PLSCR2: variants seen among roughly 807,000 people sequenced by gnomAD.
PLSCR2 encodes the protein PL scramblase 2.
A neutral mutation model predicts 25.3 loss-of-function variants in PLSCR2; 18 were observed. The ratio of observed to expected loss-of-function variants is 0.71; its 90% CI spans 0.49 to 1.06. The LOEUF is 1.06. PLSCR2 is among the 50% of genes least tolerant of loss of function. The probability of loss-of-function intolerance (pLI) is 0.00; values close to 1 mark genes in which losing one functional copy is unlikely to be tolerated. For synonymous variants in PLSCR2, 88 were observed against 87.3 expected (o/e 1.01, Z -0.04); for missense variants, 243 against 269.5 (o/e 0.90, Z 0.69).
chr3:146,423,234 C>CCTCTCTCTCTCTCT lies in PLSCR2; in HGVS notation c.101-27327_101-27314dup, dbSNP rs200145864. On this transcript the variant is annotated intron_variant and NMD_transcript_variant, in intron 2 of 3. Transcript: ENST00000463633. The stretch of plus-strand genomic sequence containing the variant: ...CTGTCTCTTTCCTCTCCTTGCAGTG[C>CCTCTCTCTCTCTCT]CTCTCTCTCTCTCTCTCTCTCTCTC... Among the ~76,000 whole-genome samples the CCTCTCTCTCTCTCT allele has an allele frequency of 1.7e-4, 9 of 53,478 alleles. 1 individual carries two copies. The highest frequency in any genetic ancestry group is 4.2e-4 in the African/African-American group (6 of 14,162). The allele number at this position is 53,478 out of a possible 152,430, so 35.1% of individuals were successfully genotyped here.
chr3:146,493,482 C>T (rs1449129316), intron 1 of PLSCR2, among the ~76,000 whole-genome samples: 2 of 152,102 alleles, frequency 1.3e-5, no homozygotes, highest in Non-Finnish European at 2.9e-5. Context: ...TCAGCATATG[C>T]AATTCACGAA....
intron 1 of PLSCR2, among the ~76,000 whole-genome samples, chr3:146,476,154 G>T (rs1362984482): frequency 6.6e-6 from 1 of 152,132 alleles, no homozygotes; most frequent in Middle Eastern, 3.2e-3. Flanking sequence ...CCACCAAGAA[G>T]AACGAAGACA....
At chr3:146,399,570 T>G (rs1001553050) in intron 2 of PLSCR2, among the ~76,000 whole-genome samples, 1 of 151,770 alleles carries the variant, frequency 6.6e-6, no homozygotes, top group Non-Finnish European at 1.5e-5. Flanking sequence ...TAAAAAGGAA[T>G]GTAGGAGGCT....
At chr3:146,476,629 A>G (rs1424303498) in intron 1 of PLSCR2, among the ~76,000 whole-genome samples, 1 of 152,208 alleles carries the variant, frequency 6.6e-6, no homozygotes, top group Non-Finnish European at 1.5e-5. Context: ...AACTACTGGG[A>G]GGAAAGGGCA....
intron 1 of PLSCR2, among the ~76,000 whole-genome samples, chr3:146,489,197 A>C (rs2043456502): frequency 6.6e-6 from 1 of 152,062 alleles, no homozygotes; most frequent in African/African-American, 2.4e-5. Context: ...CATCAGGATA[A>C]ATAGCTAATG....
chr3:146,483,509 A>ATATATATATATATATATATAT (rs1553791539), intron 1 of PLSCR2, among the ~76,000 whole-genome samples: 1 of 127,068 alleles, frequency 7.9e-6, no homozygotes, highest in African/African-American at 3.1e-5. Context: ...ATATATATAT[A>ATATATATATATATATATATAT]ATGTTACTAC....
chr3:146,406,569 C>T (rs1429235147), intron 2 of PLSCR2, among the ~76,000 whole-genome samples: 1 of 152,050 alleles, frequency 6.6e-6, no homozygotes, highest in Non-Finnish European at 1.5e-5. Flanking sequence ...ACATAACAGG[C>T]AAAAACAAAC....
intron 1 of PLSCR2, among the ~76,000 whole-genome samples, chr3:146,479,505 AT>A (rs1461494833): frequency 6.6e-6 from 1 of 152,236 alleles, no homozygotes; most frequent in African/African-American, 2.4e-5. Context: ...AGGCCATTAC[AT>A]AATGGTAAAG....
chr3:146,439,315 C>G (rs541405789), downstream of PLSCR2, among the ~76,000 whole-genome samples: 1 of 152,222 alleles, frequency 6.6e-6, no homozygotes, highest in Non-Finnish European at 1.5e-5. Flanking sequence ...AATTTGAATG[C>G]TGGCCTGCCT....
chr3:146,486,897 A>C lies in PLSCR2; in HGVS notation c.-293+8998T>G, dbSNP rs991390968. Among the ~76,000 whole-genome samples, 4 of 152,182 alleles carry C rather than the reference A, an allele frequency of 2.6e-5. No individual in the cohort carries two copies. In the South Asian group the frequency reaches 8.3e-4, roughly 32 times the overall value. ...CTTCAGGCAAATATTCCTGATGAAC[A>C]TCAAGGCTAAAATCCTCAATAAAAT... On this transcript the variant is annotated intron_variant, in intron 1 of 8. Coordinates refer to the PLSCR2 transcript ENST00000336685.
upstream of PLSCR2, among the ~76,000 whole-genome samples, chr3:146,464,394 G>A (rs573460745): frequency 7.2e-5 from 11 of 152,126 alleles, no homozygotes; most frequent in Non-Finnish European, 1.2e-4. Context: ...CTAATATGAT[G>A]AGTCTATTCC....
chr3:146,407,723 G>C (rs147092596), intron 2 of PLSCR2, among the ~76,000 whole-genome samples: 3 of 152,044 alleles, frequency 2.0e-5, no homozygotes, highest in Non-Finnish European at 4.4e-5. Flanking sequence ...TTACCTCATC[G>C]GAGAGCCTGA....
At chr3:146,403,143 A>AAC (rs77006503) in intron 2 of PLSCR2, among the ~76,000 whole-genome samples, 85,409 of 150,174 alleles carry the variant, frequency 0.57, 24,247 homozygotes, top group South Asian at 0.71. Flanking sequence ...ACATATTGTA[A>AAC]ACACACACAC....
At chr3:146,474,103 T>C (rs1281890669) in intron 1 of PLSCR2, among the ~76,000 whole-genome samples, 2 of 139,112 alleles carry the variant, frequency 1.4e-5, no homozygotes, top group African/African-American at 2.6e-5. Flanking sequence ...TACTTTTGTA[T>C]ATGTATATTA....
chr3:146,472,021 G>A (rs990688137), intron 1 of PLSCR2, among the ~76,000 whole-genome samples: 8 of 152,056 alleles, frequency 5.3e-5, no homozygotes, highest in Non-Finnish European at 4.4e-5. Context: ...TTGTACCCAG[G>A]ACATTTTTAT....
chr3:146,460,354 C>CT (rs2041496209), exon 1 of PLSCR2: 3 of 353,126 alleles, frequency 8.5e-6, no homozygotes, highest in Non-Finnish European at 1.3e-5. Context: ...TGCTTTTATA[C>CT]CTGTGAAAGT....
chr3:146,486,009 A>T (rs974782262), intron 1 of PLSCR2, among the ~76,000 whole-genome samples: 5 of 152,108 alleles, frequency 3.3e-5, no homozygotes, highest in Non-Finnish European at 7.4e-5. Context: ...CTCCCACAAC[A>T]TGTGGAAATT....
intron 2 of PLSCR2, among the ~76,000 whole-genome samples, chr3:146,409,270 C>T (rs1002087884): frequency 2.5e-4 from 38 of 152,108 alleles, no homozygotes; most frequent in Admixed American, 2.5e-3. Context: ...GGCGAGCCCA[C>T]AGGGGGTGTC....
intron 6 of PLSCR2, among the ~76,000 whole-genome samples, chr3:146,443,447 T>C (rs900409653): frequency 6.6e-6 from 1 of 152,016 alleles, no homozygotes; most frequent in African/African-American, 2.4e-5. Flanking sequence ...TATTACTTAT[T>C]GACTGTTCAG....
Sources: gnomAD v4.1 joint callset for allele counts (sites outside exome capture counted in the v4.1 genomes callset) on GRCh38, gnomAD v4.1.1 for gene constraint, MANE v1.5 for transcripts, NCBI Gene and HGNC (gene_info 2026-07-23, HGNC 2026-07-21) for gene names.